Variants in RPL22 observed in about 807,000 individuals in gnomAD.
The protein encoded by RPL22 is ribosomal protein L22, also known as large ribosomal subunit protein eL22.
Under a neutral mutation model 16.2 loss-of-function variants are expected in RPL22, and 4 were observed. That is an observed-to-expected ratio of 0.25 (90% CI 0.12 to 0.57). The LOEUF (loss-of-function observed/expected upper bound fraction) is 0.57, where lower values mean the gene tolerates loss of function less well. Ranked by LOEUF, RPL22 falls within the 20% of genes least tolerant of loss-of-function variation. RPL22 has a pLI of 0.92. For synonymous variants in RPL22, 43 were observed against 54.8 expected (o/e 0.78, Z 0.95); for missense variants, 83 against 156.1 (o/e 0.53, Z 2.49).
rs1377334132 is a variant in RPL22, at chr1:6,199,552, C to A, written c.12+10G>T. The A allele has an allele frequency of 6.4e-7, 1 of 1,562,924 alleles. No homozygotes were observed. Among genetic ancestry groups the A allele is most frequent in the South Asian group, 1.2e-5 (1 of 84,666 alleles). ...CCTGGAGCCGAGGCCTCACGCGGAG[C>A]CATACTAACCACAGGAGCCATGGCG... On this transcript the variant is annotated intron_variant, in intron 1 of 3. Transcript: ENST00000234875.
rs543545466 is a variant in RPL22, at chr1:6,196,016, C to T, written c.117+1636G>A. ...AAACGGAGATTGTGGTGAGCCGAGA[C>T]TGCACCATTGCACTCCAGCCTGGGC... On this transcript the variant is annotated intron_variant, in intron 2 of 3. Transcript: ENST00000234875. 2.9e-4 allele frequency among the ~76,000 whole-genome samples: 44 copies of T among 150,868 alleles called. No individual in the cohort carries two copies. The South Asian group carries it at 8.6e-3, about 30-fold the overall frequency.
chr1:6,191,076 T>G (rs1413537192), intron 3 of RPL22, among the ~76,000 whole-genome samples: 1 of 151,520 alleles, frequency 6.6e-6, no homozygotes, highest in Non-Finnish European at 1.5e-5. Flanking sequence ...ATACAATAAT[T>G]AGGCCGGGCG....
At chr1:6,193,802 C>T (rs1667683067) in intron 2 of RPL22, among the ~76,000 whole-genome samples, 1 of 152,096 alleles carries the variant, frequency 6.6e-6, no homozygotes, top group South Asian at 2.1e-4. Context: ...GTAACAAATC[C>T]CATTTACATA....
rs150771403 is a variant in RPL22 at position 6,189,449 on chromosome 1, G to C, written c.243-2633C>G. 5.5e-3 allele frequency among the ~76,000 whole-genome samples: 838 copies of C among 152,144 alleles called. 3 individuals carry two copies. The highest frequency in any genetic ancestry group is 9.2e-3 in the Non-Finnish European group (627 of 68,008). On this transcript the variant is annotated intron_variant, in intron 3 of 3. Transcript: ENST00000234875. ...ATGGTGGGGCACTCGTGTAGTCCCA[G>C]CTATTTGGGAGGCTGAGGTAGGACT...
intron 3 of RPL22, among the ~76,000 whole-genome samples, chr1:6,187,627 C>CA (rs1211311688): frequency 0.013 from 1,442 of 115,328 alleles, 12 homozygotes; most frequent in African/African-American, 0.026. Context: ...AAAAAAAAAA[C>CA]AAAAAAAAAA....
intron 3 of RPL22, among the ~76,000 whole-genome samples, chr1:6,191,116 T>C (rs930429987): frequency 4.3e-4 from 62 of 143,082 alleles, no homozygotes; most frequent in Middle Eastern, 8.8e-3. Context: ...TCCCAGCACT[T>C]TGGGAGGCCA....
At chr1:6,191,316 C>T (rs1180665089) in intron 3 of RPL22, among the ~76,000 whole-genome samples, 1 of 141,216 alleles carries the variant, frequency 7.1e-6, no homozygotes. Flanking sequence ...GCCAAGATCA[C>T]GCCACTGCAC....
At chr1:6,195,624 C>A (rs561396049) in intron 2 of RPL22, among the ~76,000 whole-genome samples, 1 of 151,378 alleles carries the variant, frequency 6.6e-6, no homozygotes, top group Middle Eastern at 3.4e-3. Flanking sequence ...TGGTGGCACA[C>A]GCCTGTAATC....
intron 1 of RPL22, chr1:6,198,983 G>A (rs3789521): frequency 0.045 from 6,913 of 152,456 alleles, 238 homozygotes; most frequent in Admixed American, 0.11. Flanking sequence ...CCCAGTCCCA[G>A]CATAGCTAAA....
chr1:6,196,708 T>C (rs1228963593), intron 2 of RPL22, among the ~76,000 whole-genome samples: 1 of 151,756 alleles, frequency 6.6e-6, no homozygotes, highest in Non-Finnish European at 1.5e-5. Flanking sequence ...TATTTCTAGA[T>C]TGCAATAGGA....
chr1:6,187,216 G>A (rs1267412756), intron 3 of RPL22, among the ~76,000 whole-genome samples: 1 of 152,172 alleles, frequency 6.6e-6, no homozygotes, highest in Admixed American at 6.5e-5. Context: ...GCTGAGGCAT[G>A]AGGATCCCTT....
chr1:6,199,239 G>A (rs1437973680), intron 1 of RPL22: 10 of 394,414 alleles, frequency 2.5e-5, no homozygotes, highest in Non-Finnish European at 4.2e-5. Context: ...CCTCCACCCA[G>A]GTAATCAGGC....
At chr1:6,196,615 C>T (rs1197001004) in intron 2 of RPL22, among the ~76,000 whole-genome samples, 1 of 151,994 alleles carries the variant, frequency 6.6e-6, no homozygotes, top group Non-Finnish European at 1.5e-5. Flanking sequence ...AGTCTGAATC[C>T]CCCAAACATG....
At chr1:6,190,925 C>A (rs974634491) in intron 3 of RPL22, among the ~76,000 whole-genome samples, 9 of 152,122 alleles carry the variant, frequency 5.9e-5, no homozygotes, top group Non-Finnish European at 1.2e-4. Flanking sequence ...AACTGGAATT[C>A]AAAAGGAAAG....
rs760244396 is a variant in RPL22 at position 6,186,831 on chromosome 1, C to T, written c.243-15G>A. The T allele has an allele frequency of 6.2e-7, 1 of 1,612,788 alleles. No homozygotes were observed. Among genetic ancestry groups the T allele is most frequent in the African/African-American group, 1.3e-5 (1 of 74,906 alleles). On this transcript the variant is annotated splice_polypyrimidine_tract_variant and intron_variant, in intron 3 of 3. Coordinates refer to ENST00000234875, the MANE Select transcript of RPL22 (RefSeq NM_000983.4). The stretch of plus-strand genomic sequence containing the variant: ...ATTTCAAATACCTGCAGAGAAAGGA[C>T]ACAAGAACTCCACTAGACAGTTGGT...
intron 2 of RPL22, among the ~76,000 whole-genome samples, chr1:6,193,605 G>A (rs901074863): frequency 6.6e-6 from 1 of 151,862 alleles, no homozygotes; most frequent in African/African-American, 2.4e-5. Context: ...TTACAGGCGT[G>A]AGCCACTGCG....
intron 3 of RPL22, among the ~76,000 whole-genome samples, chr1:6,187,308 A>G (rs1380837412): frequency 2.0e-5 from 3 of 151,690 alleles, no homozygotes; most frequent in Non-Finnish European, 4.4e-5. Flanking sequence ...ACTGCCTCCA[A>G]AAAAAGAAAA....
chr1:6,191,723 C>T (rs1466675287), intron 3 of RPL22, among the ~76,000 whole-genome samples: 1 of 150,470 alleles, frequency 6.6e-6, no homozygotes, highest in African/African-American at 2.4e-5. Context: ...GTGGGCCAGG[C>T]GCAGTGGCTC....
rs1396092476 is a variant in RPL22, at chr1:6,199,532, A to AG, written c.12+29dup. 12 of 1,555,614 alleles carry AG rather than the reference A, an allele frequency of 7.7e-6. No individual in the cohort carries two copies. In the African/African-American group the frequency reaches 1.6e-4, roughly 21 times the overall value. On this transcript the variant is annotated intron_variant, in intron 1 of 3. Coordinates refer to ENST00000234875, the MANE Select transcript of RPL22 (RefSeq NM_000983.4). ...GGCGAGGCCCACGTGCCTCCCCTGG[A>AG]GCCGAGGCCTCACGCGGAGCCATAC...
Sources: gnomAD v4.1 joint callset for allele counts (sites outside exome capture counted in the v4.1 genomes callset) on GRCh38, gnomAD v4.1.1 for gene constraint, MANE v1.5 for transcripts, NCBI Gene and HGNC (gene_info 2026-07-23, HGNC 2026-07-21) for gene names.